Variants in PRH1 observed in about 807,000 individuals in gnomAD.
PRH1 encodes the protein salivary acidic proline-rich phosphoprotein 1/2.
Under a neutral mutation model 7.9 loss-of-function variants are expected in PRH1, and 7 were observed. The observed-to-expected ratio is 0.89, with a 90% CI of 0.50 to 1.67. The LOEUF (loss-of-function observed/expected upper bound fraction) is 1.67. Among genes scored for constraint, PRH1 ranks in the 40% most tolerant of loss-of-function variants. The pLI is 0.00. For missense variants in PRH1, 109 were observed against 223.6 expected, an observed-to-expected ratio of 0.49 and a Z score of 3.27; for synonymous variants, 45 against 80.8, an observed-to-expected ratio of 0.56 and a Z score of 2.38.
At chr12:11,007,320 T>C (rs1000431416) in intron 1 of PRH1, among the ~76,000 whole-genome samples, 8 of 151,974 alleles carry the variant, frequency 5.3e-5, no homozygotes, top group Admixed American at 1.3e-4. Flanking sequence ...CTTAAACCCA[T>C]TGGGGTTGGA....
chr12:10,928,977 C>A (rs1950161973), intron 2 of PRH1, among the ~76,000 whole-genome samples: 1 of 152,216 alleles, frequency 6.6e-6, no homozygotes, highest in Non-Finnish European at 1.5e-5. Context: ...TCAATCCTGA[C>A]ACTGTGCTGA....
chr12:11,161,636 G>C (rs1233896911), intron 1 of PRH1, among the ~76,000 whole-genome samples: 2 of 152,066 alleles, frequency 1.3e-5, no homozygotes, highest in Non-Finnish European at 2.9e-5. Context: ...AGAATTAAGA[G>C]CAAGAGAGAG....
chr12:11,106,455 T>C lies in PRH1; in HGVS notation n.124-59267A>G, dbSNP rs531331669. Among the ~76,000 whole-genome samples the C allele has an allele frequency of 6.3e-4, 96 of 152,328 alleles. 1 individual carries two copies. Among genetic ancestry groups the C allele is most frequent in the African/African-American group, 2.2e-3 (93 of 41,590 alleles). On this transcript the variant is annotated intron_variant and non_coding_transcript_variant, in intron 1 of 4. Transcript: ENST00000541977. The stretch of plus-strand genomic sequence containing the variant: ...CAAACTTATCTCTCATGCTGAGACC[T>C]TTGACTAAGTTTTTCTCTTGAGTTT...
intron 1 of PRH1, among the ~76,000 whole-genome samples, chr12:11,107,117 C>T (rs542914708): frequency 2.0e-5 from 3 of 152,276 alleles, no homozygotes; most frequent in Non-Finnish European, 4.4e-5. Flanking sequence ...CCTCCCACCT[C>T]AGCTTCTGGA....
chr12:11,052,208 C>T (rs780284861), intron 1 of PRH1, among the ~76,000 whole-genome samples: 7 of 148,636 alleles, frequency 4.7e-5, no homozygotes, highest in African/African-American at 7.5e-5. Context: ...ACTTATTTTT[C>T]GTCATTAATT....
At position 11,085,812 on chromosome 12, in the gene PRH1, A is replaced by G. The variant is rs1229950163; in HGVS notation, n.124-38624T>C. Among the ~76,000 whole-genome samples, 4 of 120,506 alleles carry G rather than the reference A, an allele frequency of 3.3e-5. 1 individual carries two copies. Among genetic ancestry groups the G allele is most frequent in the Non-Finnish European group, 5.9e-5 (3 of 51,046 alleles). The allele number at this position is 120,506 out of a possible 152,430, so 79.1% of individuals were successfully genotyped here. On this transcript the variant is annotated intron_variant and non_coding_transcript_variant, in intron 1 of 4. Transcript: ENST00000541977. Reference sequence around the variant, plus strand: ...TTTTTTCCTTGTTTAACCTGTCTATAATTTGTGTTCAGCAATGTCGGTTGT... The same window carrying G: ...TTTTTTCCTTGTTTAACCTGTCTATGATTTGTGTTCAGCAATGTCGGTTGT...
intron 1 of PRH1, chr12:11,077,032 A>G (rs1487714713): frequency 8.6e-6 from 1 of 115,978 alleles, no homozygotes; most frequent in African/African-American, 2.9e-5. Context: ...TTTTAAAAAG[A>G]GAAAATAAAA....
Position 10,883,088 on chromosome 12 carries a change from G to A in PRH1, c.73C>T (p.Gln25Ter), listed in dbSNP as rs1949433925. Residue 25 changes from glutamine (Q) to a stop codon, truncating the protein, a stop_gained, in exon 2 of 4, where the codon CAG (glutamine) becomes TAG (stop). Transcript: ENST00000543626. LOFTEE classifies it high-confidence loss of function. The part of the protein sequence containing the change: ...SAQDLNEDVS[Q>*]EDVPLVISDG... ...GATATTACGAGGGGAACATCTTCCT[G>A]GCTGACATCTAGAAAAGAAGTACAG... 4 of 1,613,242 alleles carry A rather than the reference G, an allele frequency of 2.5e-6. 1 individual carries two copies. In the African/African-American group the frequency reaches 5.3e-5, roughly 22 times the overall value.
At chr12:11,007,349 A>G (rs1330569752) in intron 1 of PRH1, among the ~76,000 whole-genome samples, 1 of 152,122 alleles carries the variant, frequency 6.6e-6, no homozygotes, top group Admixed American at 6.6e-5. Flanking sequence ...TTTTCTTTTA[A>G]TTTAAAAAAA....
At chr12:11,006,084 G>A (rs1438071081) in intron 1 of PRH1, 1 of 151,710 alleles carries the variant, frequency 6.6e-6, no homozygotes, top group Non-Finnish European at 1.5e-5. Context: ...AGAGATCTTG[G>A]AGTCAGACTG....
chr12:10,929,359 T>G, intron 2 of PRH1: 1 of 1,613,902 alleles, frequency 6.2e-7, no homozygotes, highest in East Asian at 2.2e-5. Context: ...TGGGGGAAGA[T>G]ATTGTGACTC....
Position 11,082,493 on chromosome 12 carries a change from A to G in PRH1, n.124-35305T>C, listed in dbSNP as rs1324626734. 2.7e-5 allele frequency among the ~76,000 whole-genome samples: 3 copies of G among 112,466 alleles called. 1 individual carries two copies. Among genetic ancestry groups the G allele is most frequent in the African/African-American group, 9.0e-5 (3 of 33,434 alleles). The allele number at this position is 112,466 out of a possible 152,430, so 73.8% of individuals were successfully genotyped here. A position where few individuals can be genotyped will look rare whatever the true frequency, so the allele number is the denominator to read the frequency against. Reference sequence around the variant, plus strand: ...CAATTTTTTTTTATTTTTTGTAGAGATGGGGTTTCATCATGTTGGCCAGGC... The same window carrying G: ...CAATTTTTTTTTATTTTTTGTAGAGGTGGGGTTTCATCATGTTGGCCAGGC... On this transcript the variant is annotated intron_variant and non_coding_transcript_variant, in intron 1 of 4. Transcript: ENST00000541977.
chr12:11,132,340 T>G (rs886238572), intron 1 of PRH1, among the ~76,000 whole-genome samples: 1 of 152,170 alleles, frequency 6.6e-6, no homozygotes, highest in Non-Finnish European at 1.5e-5. Flanking sequence ...ATTGACAGAT[T>G]TTTTTTTAGA....
chr12:10,917,322 A>C (rs1360756678), intron 2 of PRH1, among the ~76,000 whole-genome samples: 1 of 132,314 alleles, frequency 7.6e-6, no homozygotes, highest in Non-Finnish European at 1.7e-5. Flanking sequence ...TAAGGGATTA[A>C]TACAATAATT....
At chr12:11,020,369 T>G (rs202181849) in intron 1 of PRH1, among the ~76,000 whole-genome samples, 25,960 of 83,714 alleles carry the variant, frequency 0.31, 3,112 homozygotes, top group East Asian at 0.5. Context: ...AAGCGATATA[T>G]ATATATATAT....
intron 1 of PRH1, among the ~76,000 whole-genome samples, chr12:11,015,683 T>C (rs1240006372): frequency 6.6e-6 from 1 of 152,194 alleles, no homozygotes; most frequent in African/African-American, 2.4e-5. Context: ...TTGGGTTTTT[T>C]AGATACACAG....
intron 1 of PRH1, among the ~76,000 whole-genome samples, chr12:11,010,000 G>T (rs1168548158): frequency 6.6e-6 from 1 of 151,944 alleles, no homozygotes. Context: ...TTAGGAATAA[G>T]AGCTTGATCA....
intron 1 of PRH1, among the ~76,000 whole-genome samples, chr12:11,152,433 A>G (rs1030185869): frequency 7.6e-4 from 115 of 152,194 alleles, no homozygotes; most frequent in African/African-American, 2.7e-3. Flanking sequence ...AAAATTGCAC[A>G]TTAGAATTTT....
chr12:11,165,183 T>C (rs745422401), intron 1 of PRH1, among the ~76,000 whole-genome samples: 25 of 152,292 alleles, frequency 1.6e-4, no homozygotes, highest in Non-Finnish European at 2.6e-4. Context: ...TAAGAAACTA[T>C]CAAACTCAAC....
Sources: allele counts gnomAD v4.1 joint callset (sites outside exome capture counted in the v4.1 genomes callset), GRCh38; gene constraint gnomAD v4.1.1; transcripts MANE v1.5; gene names NCBI Gene and HGNC (gene_info 2026-07-23, HGNC 2026-07-21).